The following CSMD1 variants were observed in gnomAD, a reference collection of about 807,000 sequenced individuals.
CSMD1 encodes CUB and Sushi multiple domains 1.
A neutral mutation model predicts 417.5 loss-of-function variants in CSMD1; 213 were observed. The ratio of observed to expected loss-of-function variants is 0.51; its 90% CI spans 0.46 to 0.57. The LOEUF is 0.57. Among genes scored for constraint, CSMD1 ranks in the 20% least tolerant of loss-of-function variants. The pLI, the probability that CSMD1 is intolerant of heterozygous loss-of-function variation, is 0.00. For missense variants in CSMD1, 6,923 were observed against 4,529.7 expected (o/e 1.53, Z -15.17); for synonymous variants, 2,862 against 1,736.8 (o/e 1.65, Z -16.11).
chr8:4,389,523 A>G (rs1478303132), intron 3 of CSMD1, among the ~76,000 whole-genome samples: 1 of 152,184 alleles, frequency 6.6e-6, no homozygotes, highest in Non-Finnish European at 1.5e-5. Context: ...TATATCAGTC[A>G]TATACTCAGC....
At chr8:3,558,779 C>T (rs1241271273) in intron 10 of CSMD1, among the ~76,000 whole-genome samples, 1 of 150,926 alleles carries the variant, frequency 6.6e-6, no homozygotes, top group Non-Finnish European at 1.5e-5. Flanking sequence ...ACCCCGCGTC[C>T]ACTCCTCCAA....
intron 9 of CSMD1, among the ~76,000 whole-genome samples, chr8:3,581,197 C>G (rs7827656): frequency 1.3e-5 from 2 of 151,968 alleles, no homozygotes; most frequent in African/African-American, 2.4e-5. Flanking sequence ...AAAAATAGAA[C>G]GATATACTCT....
At chr8:4,934,879 G>T (rs1413160319) in intron 1 of CSMD1, among the ~76,000 whole-genome samples, 1 of 151,938 alleles carries the variant, frequency 6.6e-6, no homozygotes, top group African/African-American at 2.4e-5. Flanking sequence ...CATCAATCAT[G>T]TCTATCTGTA....
intron 36 of CSMD1, 102 bp from the exon 37 acceptor site, chr8:3,181,316 G>C (rs11785463): frequency 0.17 from 126,390 of 755,852 alleles, 11,182 homozygotes; most frequent in Admixed American, 0.19. Context: ...AATCCCTACA[G>C]TTTGTCTGAT....
chr8:3,127,780 G>C (rs1010095898), intron 41 of CSMD1: 1 of 151,624 alleles, frequency 6.6e-6, no homozygotes, highest in African/African-American at 2.4e-5. Flanking sequence ...TCCCAAAAAA[G>C]TTTATGCATT....
chr8:4,157,761 T>A (rs1380371530), intron 3 of CSMD1, among the ~76,000 whole-genome samples: 1 of 152,206 alleles, frequency 6.6e-6, no homozygotes, highest in Non-Finnish European at 1.5e-5. Context: ...AGGGCTGACC[T>A]GCCTGGTCCA....
At position 4,456,985 on chromosome 8, in the gene CSMD1, T is replaced by TTAA. The variant is rs71207092; in HGVS notation, c.303-36921_303-36920insTTA. ...GATTTTGATGAGTGTGGTTTTTTTTTAAAAAAAAAAAAAACAACAAGAAAA... is the reference window on the plus strand; with the variant it reads ...GATTTTGATGAGTGTGGTTTTTTTTTTAAAAAAAAAAAAAAAACAACAAGAAAA... On this transcript the variant is annotated intron_variant, in intron 2 of 69. Coordinates refer to ENST00000635120, the MANE Select transcript of CSMD1 (RefSeq NM_033225.6). Among the ~76,000 whole-genome samples the TTAA allele has an allele frequency of 8.1e-3, 1,119 of 138,782 alleles. 9 individuals carry two copies. The highest frequency in any genetic ancestry group is 0.018 in the African/African-American group (677 of 37,268). 91.0% of individuals were successfully genotyped at this position (138,782 alleles called of 152,430 possible). A position where few individuals can be genotyped will look rare whatever the true frequency, so the allele number is the denominator to read the frequency against.
At chr8:4,138,514 G>A (rs34153570) in intron 3 of CSMD1, among the ~76,000 whole-genome samples, 45,412 of 151,904 alleles carry the variant, frequency 0.3, 7,082 homozygotes, top group Middle Eastern at 0.44. Flanking sequence ...CAAAATCTCA[G>A]GAGACATATT....
At chr8:3,748,375 C>A (rs1797159682) in intron 6 of CSMD1, among the ~76,000 whole-genome samples, 1 of 152,036 alleles carries the variant, frequency 6.6e-6, no homozygotes, top group Non-Finnish European at 1.5e-5. Context: ...CCCTCAAATA[C>A]AAGATAGCAA....
chr8:3,557,666 A>G (rs1799216249), intron 10 of CSMD1, among the ~76,000 whole-genome samples: 1 of 152,160 alleles, frequency 6.6e-6, no homozygotes, highest in Non-Finnish European at 1.5e-5. Flanking sequence ...TGCTTGGAGC[A>G]TGGAGATAAT....
At chr8:4,471,686 G>A (rs1800542421) in intron 2 of CSMD1, among the ~76,000 whole-genome samples, 1 of 152,096 alleles carries the variant, frequency 6.6e-6, no homozygotes, top group South Asian at 2.1e-4. Flanking sequence ...GCCAGCGAAC[G>A]CAGAGAGAAC....
intron 1 of CSMD1, among the ~76,000 whole-genome samples, chr8:4,750,629 G>T (rs987826109): frequency 8.6e-5 from 13 of 151,802 alleles, no homozygotes; most frequent in African/African-American, 3.1e-4. Flanking sequence ...GAATACCAAG[G>T]ACATACACAT....
chr8:3,565,438 C>A (rs1158604424), intron 10 of CSMD1, among the ~76,000 whole-genome samples: 1 of 152,156 alleles, frequency 6.6e-6, no homozygotes, highest in Non-Finnish European at 1.5e-5. Flanking sequence ...CTCTACTTCT[C>A]CACCAATCCG....
intron 5 of CSMD1, among the ~76,000 whole-genome samples, chr8:3,861,112 G>C (rs541511828): frequency 1.3e-5 from 2 of 152,184 alleles, no homozygotes; most frequent in East Asian, 3.9e-4. Context: ...AAAACAGGAC[G>C]TGGCTTTCTA....
chr8:4,978,473 A>G (rs1393260903), intron 1 of CSMD1, among the ~76,000 whole-genome samples: 7 of 152,220 alleles, frequency 4.6e-5, no homozygotes, highest in Non-Finnish European at 1.0e-4. Flanking sequence ...TAATAAACCC[A>G]GCATCTTTGA....
chr8:4,922,780 C>T (rs917479831), intron 1 of CSMD1, among the ~76,000 whole-genome samples: 5 of 152,124 alleles, frequency 3.3e-5, no homozygotes, highest in Non-Finnish European at 7.4e-5. Context: ...TGAAGGACAC[C>T]AAAGTCACCC....
intron 26 of CSMD1, among the ~76,000 whole-genome samples, chr8:3,266,266 T>C (rs956977119): frequency 2.0e-5 from 3 of 150,948 alleles, no homozygotes; most frequent in African/African-American, 7.3e-5. Context: ...AAGAGGGTTG[T>C]AAGGCGGAAA....
intron 3 of CSMD1, among the ~76,000 whole-genome samples, chr8:4,283,906 T>G (rs968837651): frequency 6.6e-6 from 1 of 152,334 alleles, no homozygotes; most frequent in South Asian, 2.1e-4. Context: ...ATTTTCATCC[T>G]AGAATGTTTG....
At chr8:3,611,324 A>G (rs1801883535) in intron 8 of CSMD1, among the ~76,000 whole-genome samples, 1 of 152,088 alleles carries the variant, frequency 6.6e-6, no homozygotes, top group Non-Finnish European at 1.5e-5. Flanking sequence ...TGAATACGTA[A>G]TGTGTCTCTA....
Sources: gnomAD v4.1 joint callset for allele counts (sites outside exome capture counted in the v4.1 genomes callset) on GRCh38, gnomAD v4.1.1 for gene constraint, MANE v1.5 for transcripts, NCBI Gene and HGNC (gene_info 2026-07-23, HGNC 2026-07-21) for gene names.